The following BRWD3 variants were observed in gnomAD, a reference collection of about 807,000 sequenced individuals.
The protein encoded by BRWD3 is bromodomain and WD repeat-containing protein 3.
BRWD3 carries 10 observed loss-of-function variants against 149.7 expected under a neutral mutation model. That is an observed-to-expected ratio of 0.07 (90% confidence interval 0.04 to 0.11). The LOEUF (loss-of-function observed/expected upper bound fraction) is 0.11. BRWD3 is among the 10% of genes least tolerant of loss of function. The pLI is 1.00. For synonymous variants in BRWD3, 504 were observed against 456.7 expected, an observed-to-expected ratio of 1.10 and a Z score of -1.32; for missense variants, 940 against 1,373.2, an observed-to-expected ratio of 0.68 and a Z score of 4.99.
rs919827135 is a variant in BRWD3 at position 80,749,404 on chromosome X, C to T, written c.431-3675G>A. Among the ~76,000 whole-genome samples the T allele has an allele frequency of 8.1e-5, 9 of 111,505 alleles. 1 individual carries two copies. The highest frequency in any genetic ancestry group is 2.6e-4 in the African/African-American group (8 of 30,734). ...TTGGGTGCATATATATTTACAACTG[C>T]CAAACTTCTTGATGAACTAACATCT... On this transcript the variant is annotated intron_variant, in intron 6 of 40. Coordinates refer to ENST00000373275, the MANE Select transcript of BRWD3 (RefSeq NM_153252.5).
At chrX:80,793,421 C>G (rs997365952) in intron 5 of BRWD3, among the ~76,000 whole-genome samples, 5 of 109,959 alleles carry the variant, frequency 4.5e-5, no homozygotes, top group African/African-American at 1.7e-4. Context: ...TATTCTTTAC[C>G]TATATATATT....
chrX:80,717,381 G>A, intron 19 of BRWD3, 192 bp downstream of exon 19: 1 of 445,138 alleles, frequency 2.2e-6, no homozygotes, highest in Non-Finnish European at 3.9e-6. Context: ...ATTCCCCAAA[G>A]CATTCAGCAC....
rs1178141338 is a variant in BRWD3 at position 80,702,665 on chromosome X, T to G, written c.2835+815A>C. Reference sequence around the variant, plus strand: ...CTAAAGATAATCAGCAGGTAATAATTTATTTGTAAGGCTATTTGATAGCTA... The same window carrying G: ...CTAAAGATAATCAGCAGGTAATAATGTATTTGTAAGGCTATTTGATAGCTA... On this transcript the variant is annotated intron_variant, in intron 24 of 40. Transcript: ENST00000373275. Among the ~76,000 whole-genome samples the G allele has an allele frequency of 4.5e-5, 5 of 111,626 alleles. No individual in the cohort carries two copies. The East Asian group carries it at 1.4e-3, about 31-fold the overall frequency.
At position 80,685,318 on chromosome X, in the gene BRWD3, AT is replaced by A. The variant is rs1307385671; in HGVS notation, c.4080+143del. 8 of 512,521 alleles carry A rather than the reference AT, an allele frequency of 1.6e-5. No homozygotes were observed. The Admixed American group carries it at 2.5e-4, about 16-fold the overall frequency. The allele number at this position is 512,521 out of a possible 1,213,427, so 42.2% of individuals were successfully genotyped here. A position where few individuals can be genotyped will look rare whatever the true frequency, so the allele number is the denominator to read the frequency against. The stretch of plus-strand genomic sequence containing the variant: ...TTGATTCAGAAAGAGGAACAAAAAA[AT>A]AAATGACCAAAAAATCAAACAAAGG... On this transcript the variant is annotated intron_variant, in intron 36 of 40. Coordinates refer to ENST00000373275, the MANE Select transcript of BRWD3 (RefSeq NM_153252.5).
At chrX:80,686,570 G>C (rs1176990759) in intron 35 of BRWD3, among the ~76,000 whole-genome samples, 1 of 110,378 alleles carries the variant, frequency 9.1e-6, no homozygotes, top group African/African-American at 3.3e-5. Context: ...AGTGTACAGA[G>C]GTGTATTCGA....
At chrX:80,701,542 C>G (rs191853394) in intron 24 of BRWD3, among the ~76,000 whole-genome samples, 1,305 of 34,711 alleles carry the variant, frequency 0.038, 29 homozygotes, top group African/African-American at 0.14. Flanking sequence ...GAGCGAGACT[C>G]GTCAAAAAAA....
At chrX:80,722,860 G>A in intron 16 of BRWD3, 73 bp from the exon 17 acceptor site, 1 of 922,068 alleles carries the variant, frequency 1.1e-6, no homozygotes, top group Non-Finnish European at 1.6e-6. Flanking sequence ...CATTCCTTGA[G>A]CACACTCATT....
chrX:80,738,348 T>C (rs1363290384), intron 8 of BRWD3, among the ~76,000 whole-genome samples: 1 of 111,761 alleles, frequency 8.9e-6, no homozygotes, highest in Non-Finnish European at 1.9e-5. Context: ...GTTTAATACA[T>C]ACCTATTGTA....
intron 6 of BRWD3, among the ~76,000 whole-genome samples, chrX:80,771,661 A>G (rs2073945158): frequency 8.9e-6 from 1 of 112,006 alleles, no homozygotes; most frequent in African/African-American, 3.2e-5. Context: ...AAAAGAAACT[A>G]CCATCAGAGT....
At chrX:80,696,710 C>T in intron 26 of BRWD3, 29 bp downstream of exon 26, 2 of 1,206,111 alleles carry the variant, frequency 1.7e-6, no homozygotes, top group Non-Finnish European at 2.2e-6. Context: ...TACACACACT[C>T]AAACAGAGAC....
At chrX:80,772,674 A>ACTCT (rs1285775802) in intron 6 of BRWD3, among the ~76,000 whole-genome samples, 1 of 111,255 alleles carries the variant, frequency 9.0e-6, no homozygotes, top group Non-Finnish European at 1.9e-5. Flanking sequence ...TAATAATAAA[A>ACTCT]CTCTAAGAAA....
chrX:80,701,364 A>G (rs143014892), intron 24 of BRWD3, among the ~76,000 whole-genome samples: 1,704 of 108,182 alleles, frequency 0.016, 42 homozygotes, highest in African/African-American at 0.055. Context: ...CCTGGCCAAC[A>G]TGGTGAAACC....
intron 14 of BRWD3, 87 bp from the exon 15 acceptor site, chrX:80,725,154 G>A: frequency 1.0e-6 from 1 of 961,169 alleles, no homozygotes; most frequent in Non-Finnish European, 1.5e-6. Flanking sequence ...CTATCAGTTA[G>A]GTTCAAATGA....
At chrX:80,747,400 T>C (rs747439210) in intron 6 of BRWD3, among the ~76,000 whole-genome samples, 10 of 109,329 alleles carry the variant, frequency 9.1e-5, no homozygotes, top group Non-Finnish European at 1.1e-4. Flanking sequence ...CACTAAGTCG[T>C]GACAAACAAA....
chrX:80,684,217 G>A (rs1213074440), intron 36 of BRWD3, 55 bp from the exon 37 acceptor site: 2 of 1,076,039 alleles, frequency 1.9e-6, no homozygotes, highest in Non-Finnish European at 2.6e-6. Flanking sequence ...GGAATACAAT[G>A]GGACTAAAAT....
intron 14 of BRWD3, among the ~76,000 whole-genome samples, chrX:80,726,194 GTT>G (rs1465532050): frequency 9.8e-6 from 1 of 102,153 alleles, no homozygotes; most frequent in Non-Finnish European, 2.0e-5. Flanking sequence ...CATATAACAC[GTT>G]TACATGTTAT....
intron 4 of BRWD3, among the ~76,000 whole-genome samples, chrX:80,804,031 AT>A (rs1443318388): frequency 2.7e-5 from 3 of 112,444 alleles, no homozygotes; most frequent in Non-Finnish European, 5.6e-5. Flanking sequence ...ATGTATGTAT[AT>A]TTTTTAAGGA....
chrX:80,715,096 A>T (rs2073056657), intron 20 of BRWD3, among the ~76,000 whole-genome samples: 1 of 111,129 alleles, frequency 9.0e-6, no homozygotes, highest in African/African-American at 3.3e-5. Flanking sequence ...CTAAGTAAAA[A>T]TATCTACAGA....
chrX:80,677,842 A>T (rs1381305521), intron 40 of BRWD3, among the ~76,000 whole-genome samples: 2 of 112,074 alleles, frequency 1.8e-5, no homozygotes, highest in Non-Finnish European at 3.8e-5. Flanking sequence ...TATAAAGAGG[A>T]TTAAAAAAAG....
Sources: gnomAD v4.1 joint callset for allele counts (sites outside exome capture counted in the v4.1 genomes callset) on GRCh38, gnomAD v4.1.1 for gene constraint, MANE v1.5 for transcripts, NCBI Gene and HGNC (gene_info 2026-07-23, HGNC 2026-07-21) for gene names.